Variants in CAPN13 observed in about 807,000 individuals in gnomAD.
CAPN13 encodes calpain-13.
Under a neutral mutation model 98.4 loss-of-function variants are expected in CAPN13, and 90 were observed. The ratio of observed to expected loss-of-function variants is 0.92; its 90% CI spans 0.77 to 1.09. CAPN13 has a LOEUF of 1.09. CAPN13 is among the 50% of genes least tolerant of loss of function. The pLI, the probability that CAPN13 is intolerant of heterozygous loss-of-function variation, is 0.00. For missense variants in CAPN13, 887 were observed against 841.3 expected (o/e 1.05, Z -0.67); for synonymous variants, 330 against 305.5 (o/e 1.08, Z -0.84).
At chr2:30,730,916 C>T (rs1671049543) in intron 21 of CAPN13, 130 bp from the exon 22 acceptor site, 1 of 710,400 alleles carries the variant, frequency 1.4e-6, no homozygotes, top group Non-Finnish European at 2.6e-6. Flanking sequence ...CTAATTCCAA[C>T]CCAAGCAGGG....
At chr2:30,787,457 C>T (rs1330864991) in intron 1 of CAPN13, 100 bp from the exon 2 acceptor site, 1 of 859,686 alleles carries the variant, frequency 1.2e-6, no homozygotes, top group East Asian at 2.7e-5. Flanking sequence ...CCACCCTTTA[C>T]AGGGACTGAG....
chr2:30,761,327 C>T (rs1284588821), intron 7 of CAPN13, among the ~76,000 whole-genome samples: 2 of 152,122 alleles, frequency 1.3e-5, no homozygotes, highest in African/African-American at 4.8e-5. Context: ...TGAAACAACT[C>T]CAAGTGTACA....
rs1272852212 is a variant in CAPN13, at chr2:30,787,176, C to T, written c.150G>A (p.Lys50=). 20 of 1,591,000 alleles carry T rather than the reference C, an allele frequency of 1.3e-5. No individual in the cohort carries two copies. Among genetic ancestry groups the T allele is most frequent in the Middle Eastern group, 1.7e-4 (1 of 5,990 alleles). The change falls in exon 2 of 23, where the codon AAG becomes AAA. Residue 50 remains lysine (K), a synonymous_variant. Coordinates refer to ENST00000295055, the MANE Select transcript of CAPN13 (RefSeq NM_144575.3). The stretch of plus-strand genomic sequence containing the variant: ...TGGAGAGGCGTTTTTCCTGGAGCAG[C>T]TTCTGGCCTATGGAAGAATCTGCTG... ...FPAADSSIGQ[K]LLQEKRLSNV...
At chr2:30,724,011 T>A (rs183827289) in intron 22 of CAPN13, among the ~76,000 whole-genome samples, 3 of 152,238 alleles carry the variant, frequency 2.0e-5, no homozygotes, top group Non-Finnish European at 2.9e-5. Context: ...TTCTAGGTAA[T>A]GTGCTTATGC....
intron 2 of CAPN13, among the ~76,000 whole-genome samples, chr2:30,781,507 C>T (rs1205500633): frequency 6.6e-6 from 1 of 152,156 alleles, no homozygotes; most frequent in Non-Finnish European, 1.5e-5. Flanking sequence ...AAGCAGATTC[C>T]CTTCCCAGGG....
At chr2:30,775,681 C>T (rs1229918096) in intron 4 of CAPN13, among the ~76,000 whole-genome samples, 4 of 152,162 alleles carry the variant, frequency 2.6e-5, no homozygotes, top group Non-Finnish European at 4.4e-5. Context: ...ACAGGGTTCT[C>T]GATCAGTGAC....
chr2:30,732,170 G>A (rs79350158), intron 20 of CAPN13, among the ~76,000 whole-genome samples: 2 of 152,138 alleles, frequency 1.3e-5, no homozygotes, highest in Non-Finnish European at 2.9e-5. Flanking sequence ...ACCTGGAGAC[G>A]GGGACAGCGT....
At position 30,743,429 on chromosome 2, in the gene CAPN13, CT is replaced by C. The variant is rs757121737; in HGVS notation, c.1398del (p.Ala467ArgfsTer9). 21 of 1,614,038 alleles carry C rather than the reference CT, an allele frequency of 1.3e-5. No homozygotes were observed. The African/African-American group carries it at 2.4e-4, about 18-fold the overall frequency. ...AGGAAGATTCGGAGCAAGAACTCCG[CT>C]GATTTTCTCCGTGTCTGTGCAACCA... is the stretch of plus-strand genomic sequence containing the variant. ...YVVVAQTRRK[S>X]AEFLLRIFLK... On this transcript the variant is annotated frameshift_variant, in exon 13 of 23. Coordinates refer to ENST00000295055, the MANE Select transcript of CAPN13 (RefSeq NM_144575.3). LOFTEE classifies it high-confidence loss of function.
At chr2:30,764,470 C>T (rs1444816154) in intron 5 of CAPN13, among the ~76,000 whole-genome samples, 164 bp from the exon 6 acceptor site, 2 of 152,186 alleles carry the variant, frequency 1.3e-5, no homozygotes, top group Admixed American at 6.5e-5. Flanking sequence ...GATTCTAGCA[C>T]TGTCTGCAGC....
rs10183719 is a variant in CAPN13 at position 30,784,962 on chromosome 2, A to T, written c.198+2166T>A. On this transcript the variant is annotated intron_variant, in intron 2 of 22. Transcript: ENST00000295055. ...TGGCTCCTCTTCCAGTGCTCTCTGC[A>T]GTCACAGCTGTACACTGTGGGTCAA... is the stretch of plus-strand genomic sequence containing the variant. 7.1e-3 allele frequency among the ~76,000 whole-genome samples: 1,083 copies of T among 152,320 alleles called. 15 individuals are homozygous for T. The highest frequency in any genetic ancestry group is 0.024 in the African/African-American group (999 of 41,560).
chr2:30,731,191 G>A (rs916364563), intron 21 of CAPN13, among the ~76,000 whole-genome samples, 153 bp downstream of exon 21: 8 of 152,182 alleles, frequency 5.3e-5, no homozygotes, highest in African/African-American at 1.9e-4. Context: ...GGCGGCCAGC[G>A]ATATATAAGG....
chr2:30,752,971 A>G, intron 10 of CAPN13, 82 bp downstream of exon 10: 2 of 1,470,040 alleles, frequency 1.4e-6, no homozygotes, highest in South Asian at 2.4e-5. Flanking sequence ...ATCAAGGACC[A>G]GAGAGAGCTG....
chr2:30,730,917 C>T, intron 21 of CAPN13, 131 bp from the exon 22 acceptor site: 1 of 708,684 alleles, frequency 1.4e-6, no homozygotes, highest in Non-Finnish European at 2.6e-6. Flanking sequence ...TAATTCCAAC[C>T]CAAGCAGGGT....
rs1674768370 is a variant in CAPN13, at chr2:30,794,690, C to G, written c.-32-7333G>C. Among the ~76,000 whole-genome samples the G allele has an allele frequency of 2.6e-5, 4 of 151,868 alleles. No homozygotes were observed. In the South Asian group the frequency reaches 8.3e-4, roughly 31 times the overall value. On this transcript the variant is annotated intron_variant, in intron 1 of 22. Transcript: ENST00000295055. ...TAAATTGTGATGTACCCATAAAGTA[C>G]TACTCAGCAATAAAAAGAAATGAAT...
chr2:30,745,560 T>C (rs2147976659), intron 12 of CAPN13, among the ~76,000 whole-genome samples, 163 bp downstream of exon 12: 1 of 152,294 alleles, frequency 6.6e-6, no homozygotes, highest in East Asian at 1.9e-4. Flanking sequence ...TCTCCTGCTT[T>C]GTGAACCTGT....
At position 30,765,709 on chromosome 2, in the gene CAPN13, T is replaced by C. The variant is rs562912940; in HGVS notation, c.525-1403A>G. Among the ~76,000 whole-genome samples, 3 of 152,288 alleles carry C rather than the reference T, an allele frequency of 2.0e-5. No individual in the cohort carries two copies. In the East Asian group the frequency reaches 5.8e-4, roughly 29 times the overall value. ...ATTCCAGTAGATTCACTTCAGCAAA[T>C]GCGTATCGTATCAAGCAGTCACTAT... On this transcript the variant is annotated intron_variant, in intron 5 of 22. Coordinates refer to ENST00000295055, the MANE Select transcript of CAPN13 (RefSeq NM_144575.3).
At position 30,802,449 on chromosome 2, in the gene CAPN13, A is replaced by ATGTG. The variant is rs894651411; in HGVS notation, c.-33+4849_-33+4852dup. Among the ~76,000 whole-genome samples the ATGTG allele has an allele frequency of 7.5e-5, 10 of 133,302 alleles. No homozygotes were observed. In the South Asian group the frequency reaches 1.3e-3, roughly 17 times the overall value. 87.5% of individuals were successfully genotyped at this position (133,302 alleles called of 152,430 possible). On this transcript the variant is annotated intron_variant, in intron 1 of 22. Coordinates refer to ENST00000295055, the MANE Select transcript of CAPN13 (RefSeq NM_144575.3). ...CAACATGAAAAAGAAGGAGCTTAGA[A>ATGTG]TGTGTGTGTGTGTATGTGTGTGTGT... is the stretch of plus-strand genomic sequence containing the variant.
At chr2:30,741,833 C>A (rs114772664) in intron 15 of CAPN13, 75 bp downstream of exon 15, 1 of 1,609,598 alleles carries the variant, frequency 6.2e-7, no homozygotes, top group Non-Finnish European at 8.5e-7. Flanking sequence ...CCAGTAAGGG[C>A]CTGTGAGAGC....
intron 1 of CAPN13, among the ~76,000 whole-genome samples, chr2:30,793,970 A>G (rs1025281399): frequency 2.6e-5 from 4 of 151,800 alleles, no homozygotes; most frequent in African/African-American, 9.7e-5. Flanking sequence ...TTAAATTATA[A>G]TACTTTCAGA....
Sources: gnomAD v4.1 joint callset for allele counts (sites outside exome capture counted in the v4.1 genomes callset) on GRCh38, gnomAD v4.1.1 for gene constraint, MANE v1.5 for transcripts, NCBI Gene and HGNC (gene_info 2026-07-23, HGNC 2026-07-21) for gene names.